ZNF346: variants seen among roughly 807,000 people sequenced by gnomAD.
ZNF346 encodes double-stranded RNA-binding zinc finger protein JAZ.
ZNF346 carries 23 observed loss-of-function variants against 33.7 expected under a neutral mutation model. The ratio of observed to expected loss-of-function variants is 0.68; its 90% CI spans 0.49 to 0.97. The LOEUF (loss-of-function observed/expected upper bound fraction) is 0.97, where lower values mean the gene tolerates loss of function less well. Ranked by LOEUF, ZNF346 falls within the 50% of genes least tolerant of loss-of-function variation. The pLI, the probability that ZNF346 is intolerant of heterozygous loss-of-function variation, is 0.00. For missense variants in ZNF346, 340 were observed against 371.1 expected, an observed-to-expected ratio of 0.92 and a Z score of 0.69; for synonymous variants, 134 against 142.4, an observed-to-expected ratio of 0.94 and a Z score of 0.42.
intron 1 of ZNF346, among the ~76,000 whole-genome samples, chr5:177,032,759 C>T (rs1258665226): frequency 6.6e-6 from 1 of 152,092 alleles, no homozygotes; most frequent in African/African-American, 2.4e-5. Flanking sequence ...TTGAGACCAT[C>T]AGCAGTATGG....
At chr5:177,029,896 A>T (rs1004338766) in intron 1 of ZNF346, among the ~76,000 whole-genome samples, 1 of 152,228 alleles carries the variant, frequency 6.6e-6, no homozygotes, top group African/African-American at 2.4e-5. Flanking sequence ...AGTAGGGCTC[A>T]GTCTTGTAGG....
intron 5 of ZNF346, among the ~76,000 whole-genome samples, chr5:177,053,668 T>C (rs891707955): frequency 6.6e-6 from 1 of 152,218 alleles, no homozygotes; most frequent in African/African-American, 2.4e-5. Flanking sequence ...TTCTTACATG[T>C]GTTCTTGTTT....
intron 4 of ZNF346, among the ~76,000 whole-genome samples, chr5:177,048,223 C>G (rs1386951906): frequency 6.6e-6 from 1 of 152,168 alleles, no homozygotes; most frequent in East Asian, 1.9e-4. Flanking sequence ...GACTTACTTA[C>G]ACTTTCACTT....
rs1356705295 is a variant in ZNF346, at chr5:177,022,865, C to T, written c.127C>T (p.Arg43Cys). The part of the protein sequence containing the change: ...GVRFDRERAR[R>C]LWEAVSGAQP... ...GCGCTTTGACCGCGAGAGGGCGCGC[C>T]GCCTGTGGGAAGCCGTGTCCGGTGC... The change falls in exon 1 of 7, where the codon CGC (arginine) becomes TGC (cysteine). Residue 43 changes from arginine to cysteine, a missense_variant. Arg to Cys is a radical substitution (Grantham distance 180). Coordinates refer to ENST00000358149, the MANE Select transcript of ZNF346 (RefSeq NM_012279.4). 2.6e-6 allele frequency: 4 copies of T among 1,524,796 alleles called. No homozygotes were observed. Among genetic ancestry groups the T allele is most frequent in the Non-Finnish European group, 3.5e-6 (4 of 1,134,934 alleles). 94.5% of individuals were successfully genotyped at this position (1,524,796 alleles called of 1,614,324 possible).
chr5:177,029,587 A>ACTCT lies in ZNF346; in HGVS notation c.175+6674_175+6675insCTCT, dbSNP rs532993598. 2.8e-4 allele frequency among the ~76,000 whole-genome samples: 43 copies of ACTCT among 152,364 alleles called. No individual in the cohort carries two copies. The South Asian group carries it at 8.9e-3, about 32-fold the overall frequency. ...AGAGACCAAGGCAACTCTTAGAGCAAGAGTGAAAGTTTATTAAAAAGTTTT... is the reference window on the plus strand; with the variant it reads ...AGAGACCAAGGCAACTCTTAGAGCAACTCTGAGTGAAAGTTTATTAAAAAGTTTT... On this transcript the variant is annotated intron_variant, in intron 1 of 6. Coordinates refer to ENST00000358149, the MANE Select transcript of ZNF346 (RefSeq NM_012279.4).
intron 1 of ZNF346, 148 bp downstream of exon 1, chr5:177,023,061 C>T: frequency 1.4e-6 from 2 of 1,440,858 alleles, no homozygotes; most frequent in South Asian, 1.2e-5. Flanking sequence ...CATCCGGGCG[C>T]GGGCACCCCA....
chr5:177,071,271 G>A (rs929981187), downstream of ZNF346, among the ~76,000 whole-genome samples: 6 of 152,080 alleles, frequency 3.9e-5, no homozygotes, highest in Non-Finnish European at 5.9e-5. Flanking sequence ...TGTGGTGCAC[G>A]TGCCTGCAAT....
In ZNF346 at chr5:177,022,920, C is replaced by CG; in HGVS notation, c.175+12dup. Reference sequence around the variant, plus strand: ...CCGGTGGGTAGAGAGGAAGGTGAGTCGGGGGCTTTGGAGGCAGAAAGCCCC... The same window carrying CG: ...CCGGTGGGTAGAGAGGAAGGTGAGTCGGGGGGCTTTGGAGGCAGAAAGCCCC... On this transcript the variant is annotated splice_region_variant and intron_variant, in intron 1 of 6. Coordinates refer to ENST00000358149, the MANE Select transcript of ZNF346 (RefSeq NM_012279.4). 6.8e-7 allele frequency: 1 copy of CG among 1,462,514 alleles called. No homozygotes were observed. Among genetic ancestry groups the CG allele is most frequent in the South Asian group, 1.4e-5 (1 of 70,744 alleles). 90.6% of individuals were successfully genotyped at this position (1,462,514 alleles called of 1,614,324 possible).
chr5:177,064,031 A>G (rs1411699593), intron 6 of ZNF346, among the ~76,000 whole-genome samples: 1 of 152,206 alleles, frequency 6.6e-6, no homozygotes, highest in African/African-American at 2.4e-5. Flanking sequence ...TTTTACAACC[A>G]AAGAAAGCCT....
intron 1 of ZNF346, among the ~76,000 whole-genome samples, chr5:177,031,998 C>CTTTTTTTTTTTTTTTTTTTTTT (rs34021834): frequency 7.4e-5 from 5 of 67,848 alleles, no homozygotes; most frequent in South Asian, 6.7e-4. Context: ...TTTCTTTTTT[C>CTTTTTTTTTTTTTTTTTTTTTT]TTTTTTTTTT....
In ZNF346 at chr5:177,028,496, T is replaced by TATATATATATATATATATA. The variant is rs1554142623; in HGVS notation, c.175+5583_175+5584insATATATATATATATATATA. The stretch of plus-strand genomic sequence containing the variant: ...TTCTCTCTTAAGCACTTGTGACGTT[T>TATATATATATATATATATA]TATATATATATATATATATATATAT... On this transcript the variant is annotated intron_variant, in intron 1 of 6. Coordinates refer to ENST00000358149, the MANE Select transcript of ZNF346 (RefSeq NM_012279.4). Among the ~76,000 whole-genome samples, 74 of 90,474 alleles carry TATATATATATATATATATA rather than the reference T, an allele frequency of 8.2e-4. 1 individual carries two copies. The highest frequency in any genetic ancestry group is 3.4e-3 in the African/African-American group (58 of 17,110). The allele number at this position is 90,474 out of a possible 152,430, so 59.4% of individuals were successfully genotyped here.
chr5:177,061,083 G>T (rs1040778450), intron 5 of ZNF346, among the ~76,000 whole-genome samples: 3 of 146,750 alleles, frequency 2.0e-5, no homozygotes, highest in Non-Finnish European at 3.0e-5. Flanking sequence ...CTGCACTCCA[G>T]CCTGGACGAC....
At position 177,026,187 on chromosome 5, in the gene ZNF346, T is replaced by C. The variant is rs578024321; in HGVS notation, c.175+3274T>C. On this transcript the variant is annotated intron_variant, in intron 1 of 6. Coordinates refer to ENST00000358149, the MANE Select transcript of ZNF346 (RefSeq NM_012279.4). ...ATCTGGCTAATTTTTGTATTTTTAG[T>C]AGAGATGGGGTTTCACCACGTTGGC... is the stretch of plus-strand genomic sequence containing the variant. Among the ~76,000 whole-genome samples, 12 of 151,652 alleles carry C rather than the reference T, an allele frequency of 7.9e-5. No homozygotes were observed. In the South Asian group the frequency reaches 2.5e-3, roughly 32 times the overall value.
chr5:177,036,155 A>G (rs1028805961), intron 1 of ZNF346, among the ~76,000 whole-genome samples: 3 of 152,100 alleles, frequency 2.0e-5, no homozygotes, highest in Admixed American at 6.6e-5. Context: ...CTGAAACAAC[A>G]GCGGGGTGGA....
At chr5:177,028,885 A>G (rs1326964236) in intron 1 of ZNF346, among the ~76,000 whole-genome samples, 1 of 150,822 alleles carries the variant, frequency 6.6e-6, no homozygotes, top group Admixed American at 6.6e-5. Context: ...ACACCTGGCT[A>G]ATTTTTTGTA....
Position 177,032,865 on chromosome 5 carries a change from A to G in ZNF346, c.176-8261A>G, listed in dbSNP as rs142975005. On this transcript the variant is annotated intron_variant, in intron 1 of 6. Transcript: ENST00000358149. Reference sequence around the variant, plus strand: ...GAGGCCAGGAGTCTGAATTCAGCCTAGGCAACATAATGAGACTCTGACTCT... The same window carrying G: ...GAGGCCAGGAGTCTGAATTCAGCCTGGGCAACATAATGAGACTCTGACTCT... 3.9e-5 allele frequency among the ~76,000 whole-genome samples: 6 copies of G among 152,298 alleles called. No individual in the cohort carries two copies. In the East Asian group the frequency reaches 1.2e-3, roughly 29 times the overall value.
In ZNF346 at chr5:177,026,809, A is replaced by G. The variant is rs144632325; in HGVS notation, c.175+3896A>G. ...GGGACTCATACAAAGTTGTTTATCA[A>G]GAATTCTCATTGATTTACAGAAATA... On this transcript the variant is annotated intron_variant, in intron 1 of 6. Transcript: ENST00000358149. Among the ~76,000 whole-genome samples, 115 of 152,352 alleles carry G rather than the reference A, an allele frequency of 7.5e-4. 3 individuals are homozygous for G. The East Asian group carries it at 0.021, about 28-fold the overall frequency.
At chr5:177,055,233 C>T (rs1458716938) in intron 5 of ZNF346, among the ~76,000 whole-genome samples, 55 of 151,920 alleles carry the variant, frequency 3.6e-4, no homozygotes, top group Non-Finnish European at 1.5e-5. Context: ...GGAGTTTCAT[C>T]ATGTTGGCCA....
intron 1 of ZNF346, among the ~76,000 whole-genome samples, chr5:177,037,714 T>C (rs766644922): frequency 2.0e-5 from 3 of 152,176 alleles, no homozygotes; most frequent in Non-Finnish European, 2.9e-5. Context: ...AGCAGCCTTC[T>C]CCTTGTTCTT....
Sources: gnomAD v4.1 joint callset for allele counts (sites outside exome capture counted in the v4.1 genomes callset) on GRCh38, gnomAD v4.1.1 for gene constraint, MANE v1.5 for transcripts, NCBI Gene and HGNC (gene_info 2026-07-23, HGNC 2026-07-21) for gene names.